Variants in CDH4 observed in about 807,000 individuals in gnomAD.
CDH4 encodes cadherin 4, also known as cadherin-4.
A neutral mutation model predicts 86.0 loss-of-function variants in CDH4; 33 were observed. The ratio of observed to expected loss-of-function variants is 0.38; its 90% CI spans 0.29 to 0.51. The LOEUF (loss-of-function observed/expected upper bound fraction) is 0.51. CDH4 is among the 20% of genes least tolerant of loss of function. The pLI, the probability that CDH4 is intolerant of heterozygous loss-of-function variation, is 0.86. For missense variants in CDH4, 1,114 were observed against 1,307.4 expected, an observed-to-expected ratio of 0.85 and a Z score of 2.28; for synonymous variants, 555 against 549.4, an observed-to-expected ratio of 1.01 and a Z score of -0.14.
chr20:61,803,092 G>C (rs1020648862), intron 4 of CDH4, among the ~76,000 whole-genome samples: 2 of 152,216 alleles, frequency 1.3e-5, no homozygotes, highest in Non-Finnish European at 2.9e-5. Context: ...CCTGCCTGTA[G>C]AGCGGCCAGC....
At chr20:61,819,409 T>C (rs1980901513) in intron 4 of CDH4, among the ~76,000 whole-genome samples, 1 of 151,202 alleles carries the variant, frequency 6.6e-6, no homozygotes, top group Non-Finnish European at 1.5e-5. Flanking sequence ...ATGCATTCGC[T>C]CGCTCTGCCC....
At chr20:61,312,497 G>A (rs4810231) in intron 2 of CDH4, among the ~76,000 whole-genome samples, 6 of 151,540 alleles carry the variant, frequency 4.0e-5, no homozygotes, top group East Asian at 2.0e-4. Flanking sequence ...GCCAGCCCCC[G>A]GGTGCACAGG....
chr20:61,647,556 T>TCTCTCTCTCTCTCTCTCTCCCC (rs1568731977), intron 2 of CDH4, among the ~76,000 whole-genome samples: 1 of 105,788 alleles, frequency 9.5e-6, no homozygotes, highest in African/African-American at 3.5e-5. Flanking sequence ...CCTCTCCCTC[T>TCTCTCTCTCTCTCTCTCTCCCC]CCCTCTCCCT....
In CDH4 at chr20:61,623,756, G is replaced by A. The variant is rs949557859; in HGVS notation, c.170-119807G>A. 2.0e-5 allele frequency among the ~76,000 whole-genome samples: 3 copies of A among 151,958 alleles called. No individual in the cohort carries two copies. The highest frequency in any genetic ancestry group is 7.3e-5 in the African/African-American group (3 of 41,350). On this transcript the variant is annotated intron_variant, in intron 2 of 15. Transcript: ENST00000614565. The surrounding 1 kb of genome is among the most constrained non-coding windows in gnomAD (Gnocchi z 4.4). ...TATTTTTGCAATCAGAAAATAAAAG[G>A]TACCCAGAATCTGAGCAGGAAAGAC... is the stretch of plus-strand genomic sequence containing the variant.
intron 2 of CDH4, among the ~76,000 whole-genome samples, chr20:61,423,401 C>T (rs561990967): frequency 1.8e-4 from 28 of 152,292 alleles, no homozygotes; most frequent in African/African-American, 6.3e-4. Flanking sequence ...CAACCCTGAC[C>T]CAGACCTGTA....
intron 2 of CDH4, among the ~76,000 whole-genome samples, chr20:61,534,670 T>TTTTTTTTTTTTC (rs2085982643): frequency 7.1e-6 from 1 of 140,666 alleles, no homozygotes; most frequent in African/African-American, 2.8e-5. Flanking sequence ...TCTTTCTTTT[T>TTTTTTTTTTTTC]TTTTTTTTTT....
chr20:61,887,956 C>T (rs542023308), intron 7 of CDH4, among the ~76,000 whole-genome samples: 1 of 152,198 alleles, frequency 6.6e-6, no homozygotes. Context: ...GGGGACATCA[C>T]GCCCAGGAAA....
intron 7 of CDH4, among the ~76,000 whole-genome samples, chr20:61,882,726 C>T (rs1192922882): frequency 5.9e-5 from 9 of 152,218 alleles, no homozygotes; most frequent in Admixed American, 5.2e-4. Flanking sequence ...CAAAAAGGCC[C>T]GTGCGTCTCA....
At chr20:61,420,054 A>G (rs2085168694) in intron 2 of CDH4, among the ~76,000 whole-genome samples, 1 of 152,160 alleles carries the variant, frequency 6.6e-6, no homozygotes, top group Non-Finnish European at 1.5e-5. Flanking sequence ...AAGAGCATAG[A>G]GAGGTGAAGG....
rs1358684607 is a variant in CDH4 at position 61,879,319 on chromosome 20, G to A, written c.1050+5419G>A. Among the ~76,000 whole-genome samples, 6 of 152,314 alleles carry A rather than the reference G, an allele frequency of 3.9e-5. No homozygotes were observed. The highest frequency in any genetic ancestry group is 2.1e-4 in the South Asian group (1 of 4,828). ...CAGCCCAGCTTGCCTTGCATCGGCC[G>A]GACAGCTCAGCCACTTCTGAAAAGG... On this transcript the variant is annotated intron_variant, in intron 7 of 15. Coordinates refer to ENST00000614565, the MANE Select transcript of CDH4 (RefSeq NM_001794.5). This position sits in a 1 kb window ranked among gnomAD's most constrained non-coding sequence, Gnocchi z 4.1.
chr20:61,929,993 C>G, intron 13 of CDH4, 151 bp downstream of exon 13: 2 of 658,046 alleles, frequency 3.0e-6, no homozygotes, highest in Non-Finnish European at 5.3e-6. Context: ...TGCAGCTGAA[C>G]TGGTCCATAT....
At chr20:61,621,547 A>G (rs535134749) in intron 2 of CDH4, among the ~76,000 whole-genome samples, 5 of 152,322 alleles carry the variant, frequency 3.3e-5, no homozygotes, top group Non-Finnish European at 5.9e-5. Flanking sequence ...TCTGTCAGGC[A>G]GGGCTTTCAT....
intron 4 of CDH4, among the ~76,000 whole-genome samples, chr20:61,801,011 C>CTGAT (rs1979801847): frequency 1.3e-5 from 2 of 152,190 alleles, no homozygotes; most frequent in Non-Finnish European, 2.9e-5. Context: ...ACGAGGGGCA[C>CTGAT]TGATTGTCCC....
chr20:61,741,315 C>T (rs985886445), intron 2 of CDH4, among the ~76,000 whole-genome samples: 10 of 152,188 alleles, frequency 6.6e-5, no homozygotes, highest in Non-Finnish European at 5.9e-5. Context: ...CCTTTGAGGG[C>T]GCTGTCATCA....
At chr20:61,711,977 T>A (rs912776362) in intron 2 of CDH4, among the ~76,000 whole-genome samples, 56 of 152,120 alleles carry the variant, frequency 3.7e-4, no homozygotes, top group African/African-American at 1.3e-3. Flanking sequence ...TGGGAGCCTG[T>A]GACAGACACT....
intron 2 of CDH4, chr20:61,499,372 C>T: frequency 9.4e-7 from 1 of 1,069,020 alleles, no homozygotes; most frequent in Non-Finnish European, 1.3e-6. Context: ...GCCTCTTGCT[C>T]TGCCCTGTTA....
At chr20:61,311,434 G>A (rs1018670882) in intron 2 of CDH4, among the ~76,000 whole-genome samples, 15 of 152,272 alleles carry the variant, frequency 9.9e-5, no homozygotes, top group African/African-American at 3.6e-4. Context: ...TCCATATAAA[G>A]ATGTAATATA....
intron 2 of CDH4, among the ~76,000 whole-genome samples, chr20:61,581,403 G>T (rs1329829960): frequency 6.6e-6 from 1 of 152,168 alleles, no homozygotes; most frequent in Admixed American, 6.5e-5. Context: ...GGACCCTGGA[G>T]AATTCATTTC....
At chr20:61,821,612 G>A (rs181682499) in intron 4 of CDH4, among the ~76,000 whole-genome samples, 418 of 152,284 alleles carry the variant, frequency 2.7e-3, no homozygotes, top group African/African-American at 9.7e-3. Context: ...AAGTGAGGAG[G>A]ACGCAGTTAA....
Sources: gnomAD v4.1 joint callset for allele counts (sites outside exome capture counted in the v4.1 genomes callset) on GRCh38, gnomAD v4.1.1 for gene constraint, Gnocchi (gnomAD v3.1) non-coding constraint, MANE v1.5 for transcripts, NCBI Gene and HGNC (gene_info 2026-07-23, HGNC 2026-07-21) for gene names.